Variants in DLGAP1 observed in about 807,000 individuals in gnomAD.
The protein encoded by DLGAP1 is DLG associated protein 1, also known as disks large-associated protein 1.
In DLGAP1, 11 loss-of-function variants were observed where a neutral mutation model predicts 90.8. The observed-to-expected ratio is 0.12, with a 90% confidence interval of 0.08 to 0.20. The LOEUF (loss-of-function observed/expected upper bound fraction) is 0.20, where lower values mean the gene tolerates loss of function less well. DLGAP1 is among the 10% of genes least tolerant of loss of function. The pLI is 1.00. For missense variants in DLGAP1, 1,050 were observed against 1,333.8 expected, an observed-to-expected ratio of 0.79 and a Z score of 3.31; for synonymous variants, 558 against 540.7, an observed-to-expected ratio of 1.03 and a Z score of -0.44.
intron 1 of DLGAP1, among the ~76,000 whole-genome samples, chr18:4,210,800 T>C (rs546479772): frequency 6.6e-6 from 1 of 152,276 alleles, no homozygotes; most frequent in South Asian, 2.1e-4. Flanking sequence ...TAAAGATCTA[T>C]TACAACTCTT....
chr18:4,119,120 C>T (rs2076111370), intron 2 of DLGAP1, among the ~76,000 whole-genome samples: 1 of 151,606 alleles, frequency 6.6e-6, no homozygotes. Context: ...GAGATGGGGT[C>T]TCACTTTGTG....
intron 5 of DLGAP1, among the ~76,000 whole-genome samples, chr18:3,798,869 T>C (rs1222155339): frequency 6.6e-6 from 1 of 152,166 alleles, no homozygotes; most frequent in Non-Finnish European, 1.5e-5. Context: ...CAATAGACTT[T>C]TTTTTTTCTT....
intron 1 of DLGAP1, among the ~76,000 whole-genome samples, chr18:4,182,063 G>T (rs142229861): frequency 6.6e-6 from 1 of 152,230 alleles, no homozygotes; most frequent in Non-Finnish European, 1.5e-5. Context: ...CAAAGCAGGA[G>T]TCGGGAAAGA....
intron 1 of DLGAP1, among the ~76,000 whole-genome samples, chr18:4,187,246 C>G (rs1033612538): frequency 6.6e-6 from 1 of 152,060 alleles, no homozygotes; most frequent in Admixed American, 6.6e-5. Flanking sequence ...CCCTTTATTT[C>G]TCTTGTCTGA....
At chr18:3,562,990 T>A (rs577105195) in intron 9 of DLGAP1, among the ~76,000 whole-genome samples, 2 of 151,880 alleles carry the variant, frequency 1.3e-5, no homozygotes, top group East Asian at 1.9e-4. Flanking sequence ...CACAGCCAGA[T>A]AACTTTTTGT....
At chr18:3,944,207 T>C (rs1250969601) in intron 3 of DLGAP1, among the ~76,000 whole-genome samples, 7 of 152,140 alleles carry the variant, frequency 4.6e-5, no homozygotes, top group Non-Finnish European at 7.4e-5. Context: ...AAGTAAAAAA[T>C]AGTGCAAGGG....
intron 2 of DLGAP1, among the ~76,000 whole-genome samples, chr18:4,095,224 AT>A (rs1041554187): frequency 2.0e-5 from 3 of 151,958 alleles, no homozygotes; most frequent in Non-Finnish European, 4.4e-5. Context: ...TTTGAAAGAG[AT>A]TTTTTTTCCG....
chr18:3,635,188 T>G (rs1020381578), intron 7 of DLGAP1, among the ~76,000 whole-genome samples: 2 of 151,444 alleles, frequency 1.3e-5, no homozygotes, highest in South Asian at 4.2e-4. Context: ...TGGAGTGCAG[T>G]GGCGGGATCT....
At chr18:3,663,570 A>G (rs1476284889) in intron 7 of DLGAP1, among the ~76,000 whole-genome samples, 1 of 152,062 alleles carries the variant, frequency 6.6e-6, no homozygotes, top group East Asian at 1.9e-4. Context: ...AAGATTTCCT[A>G]TCTCTTGTAT....
intron 5 of DLGAP1, among the ~76,000 whole-genome samples, chr18:3,797,685 T>C (rs749122663): frequency 5.3e-5 from 8 of 151,860 alleles, no homozygotes; most frequent in Non-Finnish European, 7.4e-5. Flanking sequence ...TCACTACACA[T>C]AGTGTTGGAA....
At chr18:3,848,543 C>T (rs2069152932) in intron 4 of DLGAP1, among the ~76,000 whole-genome samples, 1 of 152,126 alleles carries the variant, frequency 6.6e-6, no homozygotes, top group Non-Finnish European at 1.5e-5. Context: ...GTGCTGCATA[C>T]ATAGCACCTT....
At chr18:4,369,465 C>CTT (rs946500750) in intron 1 of DLGAP1, among the ~76,000 whole-genome samples, 10 of 151,412 alleles carry the variant, frequency 6.6e-5, no homozygotes, top group African/African-American at 2.4e-4. Flanking sequence ...ACTGTTATTT[C>CTT]TTTTTTTTTA....
chr18:3,684,985 G>A (rs940341542), intron 7 of DLGAP1, among the ~76,000 whole-genome samples: 10 of 152,166 alleles, frequency 6.6e-5, no homozygotes, highest in African/African-American at 2.4e-4. Context: ...ATTCCTTTTA[G>A]TAGCCACAAC....
chr18:4,446,741 T>C (rs2083677797), intron 1 of DLGAP1, among the ~76,000 whole-genome samples: 1 of 152,124 alleles, frequency 6.6e-6, no homozygotes, highest in Admixed American at 6.6e-5. Flanking sequence ...ATCATAAAAA[T>C]GAGAAGACAA....
At chr18:3,926,619 T>G (rs1470794259) in intron 3 of DLGAP1, among the ~76,000 whole-genome samples, 2 of 152,004 alleles carry the variant, frequency 1.3e-5, no homozygotes, top group African/African-American at 2.4e-5. Context: ...CATCTCCAGA[T>G]AGATATCTAC....
chr18:4,179,566 G>A (rs1004390669), intron 1 of DLGAP1, among the ~76,000 whole-genome samples: 5 of 152,112 alleles, frequency 3.3e-5, no homozygotes, highest in Admixed American at 6.6e-5. Context: ...TATGAGATGA[G>A]GAAACTGAGA....
At chr18:3,829,180 C>T (rs1450759651) in intron 4 of DLGAP1, among the ~76,000 whole-genome samples, 1 of 152,210 alleles carries the variant, frequency 6.6e-6, no homozygotes, top group African/African-American at 2.4e-5. Context: ...ATTACCTGAA[C>T]ATCTTTTAAC....
intron 2 of DLGAP1, among the ~76,000 whole-genome samples, chr18:4,126,181 G>A (rs2076230810): frequency 6.6e-6 from 1 of 152,026 alleles, no homozygotes; most frequent in Non-Finnish European, 1.5e-5. Context: ...AGGGGTAGGG[G>A]GATCACATTA....
intron 1 of DLGAP1, among the ~76,000 whole-genome samples, chr18:4,209,679 A>C (rs907715363): frequency 2.0e-5 from 3 of 152,226 alleles, no homozygotes; most frequent in Non-Finnish European, 4.4e-5. Flanking sequence ...AGGATACTAC[A>C]TTACTTAATA....
Sources: gnomAD v4.1 joint callset for allele counts (sites outside exome capture counted in the v4.1 genomes callset) on GRCh38, gnomAD v4.1.1 for gene constraint, MANE v1.5 for transcripts, NCBI Gene and HGNC (gene_info 2026-07-23, HGNC 2026-07-21) for gene names.